The following PSEN1 variants were observed in gnomAD, a reference collection of about 807,000 sequenced individuals.
PSEN1 encodes presenilin-1.
Under a neutral mutation model 53.5 loss-of-function variants are expected in PSEN1, and 15 were observed. The observed-to-expected ratio is 0.28, with a 90% CI of 0.19 to 0.43. PSEN1 has a LOEUF of 0.43. Among genes scored for constraint, PSEN1 ranks in the 20% least tolerant of loss-of-function variants. PSEN1 has a pLI of 1.00. For missense variants in PSEN1, 387 were observed against 571.2 expected (o/e 0.68, Z 3.29); for synonymous variants, 208 against 209.8 (o/e 0.99, Z 0.08).
At chr14:73,182,922 ATC>A (rs1255799390) in intron 5 of PSEN1, among the ~76,000 whole-genome samples, 2 of 152,228 alleles carry the variant, frequency 1.3e-5, no homozygotes, top group Admixed American at 6.5e-5. Context: ...GGTGAAAAGC[ATC>A]TCTCAAGAAT....
chr14:73,165,131 T>A (rs977815497), intron 3 of PSEN1, among the ~76,000 whole-genome samples: 1 of 151,952 alleles, frequency 6.6e-6, no homozygotes, highest in Non-Finnish European at 1.5e-5. Context: ...AATTTTTGTA[T>A]TTTTAATAGA....
chr14:73,211,223 G>A (rs1234948076), intron 9 of PSEN1, among the ~76,000 whole-genome samples: 2 of 152,212 alleles, frequency 1.3e-5, no homozygotes, highest in African/African-American at 2.4e-5. Flanking sequence ...ATGTTTTCAA[G>A]TAGCCCAACT....
chr14:73,202,617 C>A (rs998654910), intron 8 of PSEN1, among the ~76,000 whole-genome samples: 1 of 149,400 alleles, frequency 6.7e-6, no homozygotes, highest in Non-Finnish European at 1.5e-5. Flanking sequence ...GGACTCTAGG[C>A]GCCCGCCACC....
intron 10 of PSEN1, among the ~76,000 whole-genome samples, chr14:73,216,654 G>A (rs1339934737): frequency 6.6e-6 from 1 of 151,832 alleles, no homozygotes; most frequent in Non-Finnish European, 1.5e-5. Context: ...ACCTACTCAG[G>A]AGGCTGAGAC....
intron 1 of PSEN1, among the ~76,000 whole-genome samples, chr14:73,146,861 C>A (rs993368201): frequency 7.2e-5 from 11 of 152,000 alleles, no homozygotes; most frequent in Non-Finnish European, 1.5e-4. Context: ...TTTCTGAAAA[C>A]CTTCTGTGAA....
At chr14:73,184,390 G>A (rs1357429903) in intron 5 of PSEN1, among the ~76,000 whole-genome samples, 3 of 129,176 alleles carry the variant, frequency 2.3e-5, no homozygotes, top group Non-Finnish European at 5.0e-5. Context: ...CGGGCGGGGG[G>A]CTGACCCCCC....
At chr14:73,178,765 T>C (rs1898118435) in intron 5 of PSEN1, among the ~76,000 whole-genome samples, 1 of 152,204 alleles carries the variant, frequency 6.6e-6, no homozygotes, top group African/African-American at 2.4e-5. Context: ...GTGTTTGCCC[T>C]TACTTCTTGG....
chr14:73,192,001 G>A (rs1898736919), intron 6 of PSEN1, among the ~76,000 whole-genome samples: 1 of 152,170 alleles, frequency 6.6e-6, no homozygotes, highest in African/African-American at 2.4e-5. Flanking sequence ...GGTATGATAT[G>A]ATCTTTTTTC....
At chr14:73,167,138 T>TATATG (rs1897741470) in intron 3 of PSEN1, among the ~76,000 whole-genome samples, 1 of 74,248 alleles carries the variant, frequency 1.3e-5, no homozygotes, top group Non-Finnish European at 2.3e-5. Flanking sequence ...AGCCCAAGAG[T>TATATG]ATATGGTACC....
chr14:73,156,103 G>T (rs537282584), intron 3 of PSEN1, among the ~76,000 whole-genome samples: 38 of 152,218 alleles, frequency 2.5e-4, no homozygotes, highest in African/African-American at 7.2e-4. Context: ...GGAAGGCTGA[G>T]GCGGGTGGAT....
intron 5 of PSEN1, among the ~76,000 whole-genome samples, chr14:73,183,566 C>T (rs1168922035): frequency 6.6e-6 from 1 of 152,134 alleles, no homozygotes; most frequent in Non-Finnish European, 1.5e-5. Context: ...TTAATCCATT[C>T]AACCCTGAGT....
intron 1 of PSEN1, among the ~76,000 whole-genome samples, chr14:73,143,742 GT>G (rs1896989443): frequency 6.6e-6 from 1 of 152,100 alleles, no homozygotes. Flanking sequence ...AGTGGCTGCA[GT>G]GGCTCAGGCC....
intron 10 of PSEN1, among the ~76,000 whole-genome samples, chr14:73,213,411 TAA>T (rs902040473): frequency 6.2e-5 from 9 of 146,052 alleles, no homozygotes; most frequent in African/African-American, 2.2e-4. Context: ...CTCCAACTTT[TAA>T]AAAAAAAAAA....
chr14:73,184,113 C>G (rs1444506545), intron 5 of PSEN1, among the ~76,000 whole-genome samples: 2 of 125,206 alleles, frequency 1.6e-5, no homozygotes, highest in African/African-American at 3.4e-5. Context: ...CTGACCCCCC[C>G]CCACCTCCCT....
intron 3 of PSEN1, among the ~76,000 whole-genome samples, chr14:73,162,584 A>G (rs1897585805): frequency 6.6e-6 from 1 of 151,854 alleles, no homozygotes. Flanking sequence ...GCTTGAGCCT[A>G]GGAGGTCAAC....
chr14:73,186,025 T>G (rs1465059960), intron 5 of PSEN1, among the ~76,000 whole-genome samples: 1 of 152,210 alleles, frequency 6.6e-6, no homozygotes, highest in African/African-American at 2.4e-5. Context: ...TGTAACAAAA[T>G]GTTGGAAAAT....
chr14:73,141,870 A>G (rs1181839203), intron 1 of PSEN1, among the ~76,000 whole-genome samples: 2 of 147,906 alleles, frequency 1.4e-5, no homozygotes, highest in Non-Finnish European at 3.0e-5. Flanking sequence ...GATCGAGACC[A>G]TCCTGGCTAA....
chr14:73,190,851 ATTGTTT>A lies in PSEN1; in HGVS notation c.549-1778_549-1773del, dbSNP rs571899169. Reference sequence around the variant, plus strand: ...TACCTGGCCAAAGATTAATAAATAGATTGTTTTTGTTTTTGTTTTTTAGTTTGAGGA... The same window carrying A: ...TACCTGGCCAAAGATTAATAAATAGATTGTTTTTGTTTTTTAGTTTGAGGA... On this transcript the variant is annotated intron_variant, in intron 6 of 11. Transcript: ENST00000324501. Among the ~76,000 whole-genome samples, 403 of 152,298 alleles carry A rather than the reference ATTGTTT, an allele frequency of 2.6e-3. 4 individuals are homozygous for A. The highest frequency in any genetic ancestry group is 8.8e-3 in the African/African-American group (367 of 41,562).
In PSEN1 at chr14:73,147,866, A is replaced by G. The variant is rs1238215520; in HGVS notation, c.-64A>G. 3 of 689,952 alleles carry G rather than the reference A, an allele frequency of 4.3e-6. No individual in the cohort carries two copies. Among genetic ancestry groups the G allele is most frequent in the Non-Finnish European group, 7.7e-6 (3 of 389,878 alleles). 42.7% of individuals were successfully genotyped at this position (689,952 alleles called of 1,614,324 possible). A position where few individuals can be genotyped will look rare whatever the true frequency, so the allele number is the denominator to read the frequency against. ...GACAGCTTGGCCTGGAGGAGAACAC[A>G]TGAAAGAAAGGTTTGTTTCTGCTTA... On this transcript the variant is annotated 5_prime_UTR_variant, in exon 2 of 12. An upstream start codon of the reference 5' UTR is lost. Coordinates refer to ENST00000324501, the MANE Select transcript of PSEN1 (RefSeq NM_000021.4).
Sources: allele counts gnomAD v4.1 joint callset (sites outside exome capture counted in the v4.1 genomes callset), GRCh38; gene constraint gnomAD v4.1.1; transcripts MANE v1.5; gene names NCBI Gene and HGNC (gene_info 2026-07-23, HGNC 2026-07-21).